Variants in COL4A6 observed in about 807,000 individuals in gnomAD.
The protein encoded by COL4A6 is collagen type IV alpha 6 chain, also known as collagen alpha-6(IV) chain.
A neutral mutation model predicts 126.7 loss-of-function variants in COL4A6; 59 were observed. That is an observed-to-expected ratio of 0.47 (90% confidence interval 0.38 to 0.58). The LOEUF (loss-of-function observed/expected upper bound fraction) is 0.58. COL4A6 is among the 20% of genes least tolerant of loss of function. The probability of loss-of-function intolerance (pLI) is 0.00; values close to 1 mark genes in which losing one functional copy is unlikely to be tolerated. For synonymous variants in COL4A6, 547 were observed against 496.6 expected (o/e 1.10, Z -1.35); for missense variants, 1,285 against 1,337.3 (o/e 0.96, Z 0.61).
intron 3 of COL4A6, among the ~76,000 whole-genome samples, chrX:108,303,406 T>C (rs1339848733): frequency 1.8e-5 from 2 of 111,668 alleles, no homozygotes; most frequent in African/African-American, 3.3e-5. Flanking sequence ...GGAGATAATA[T>C]GTCGCTTGTT....
chrX:108,418,874 T>C (rs1235313206), intron 2 of COL4A6, among the ~76,000 whole-genome samples: 1 of 112,502 alleles, frequency 8.9e-6, no homozygotes, highest in Non-Finnish European at 1.9e-5. Context: ...CAAAGGTTGG[T>C]GGTACCTGCA....
chrX:108,277,365 G>A lies in COL4A6; in HGVS notation c.144+33383C>T, dbSNP rs187767942. Among the ~76,000 whole-genome samples the A allele has an allele frequency of 2.0e-3, 227 of 112,277 alleles. 1 individual carries two copies. Among genetic ancestry groups the A allele is most frequent in the Admixed American group, 9.2e-3 (98 of 10,655 alleles). ...CCGCACATGGCTCAGAGGGTCCTAC[G>A]CCCATGGAGTCTCGCTGATTGCTAG... is the stretch of plus-strand genomic sequence containing the variant. On this transcript the variant is annotated intron_variant, in intron 3 of 44. Transcript: ENST00000334504.
chrX:108,208,388 T>C (rs777877757), intron 8 of COL4A6, among the ~76,000 whole-genome samples: 2 of 112,417 alleles, frequency 1.8e-5, no homozygotes, highest in Admixed American at 1.9e-4. Context: ...ATACATATTC[T>C]GTTCAAGTGC....
chrX:108,439,378 T>C, upstream of COL4A6: 1 of 804,110 alleles, frequency 1.2e-6, no homozygotes, highest in Non-Finnish European at 1.8e-6. Context: ...GCATATACTT[T>C]ATTTATTCCC....
In COL4A6 at chrX:108,302,202, G is replaced by T. The variant is rs145405101; in HGVS notation, c.144+8546C>A. Reference sequence around the variant, plus strand: ...ATATTAATGATAATATATATAAAATGAAACACACAATAAATAAAAAGTGTA... The same window carrying T: ...ATATTAATGATAATATATATAAAATTAAACACACAATAAATAAAAAGTGTA... On this transcript the variant is annotated intron_variant, in intron 3 of 44. Transcript: ENST00000334504. Among the ~76,000 whole-genome samples the T allele has an allele frequency of 5.8e-3, 646 of 110,886 alleles. 4 individuals are homozygous for T. Among genetic ancestry groups the T allele is most frequent in the Non-Finnish European group, 8.9e-3 (472 of 52,958 alleles).
At chrX:108,408,160 A>C (rs1826023722) in intron 2 of COL4A6, among the ~76,000 whole-genome samples, 2 of 110,710 alleles carry the variant, frequency 1.8e-5, no homozygotes, top group South Asian at 7.7e-4. Context: ...AAAATTTAAA[A>C]ATTAGCCAAG....
chrX:108,170,820 A>G lies in COL4A6; in HGVS notation c.3375T>C (p.Pro1125=). Residue 1125 remains proline, a synonymous_variant, in exon 34 of 45, where the codon CCT becomes CCC. Coordinates refer to ENST00000334504, the MANE Select transcript of COL4A6 (RefSeq NM_033641.4). ...CATGTGGCATGGTACCTGGAGCTCC[A>G]GGAAGGCCAACATCTCCAGAAACAC... The part of the protein sequence containing the change: ...KVGVSGDVGL[P]GAPGFPGVAG... The G allele has an allele frequency of 8.3e-7, 1 of 1,211,795 alleles. No individual in the cohort carries two copies. Among genetic ancestry groups the G allele is most frequent in the Non-Finnish European group, 1.1e-6 (1 of 894,964 alleles).
intron 2 of COL4A6, among the ~76,000 whole-genome samples, chrX:108,396,367 C>T (rs1417517575): frequency 2.7e-5 from 3 of 111,682 alleles, no homozygotes; most frequent in African/African-American, 9.8e-5. Flanking sequence ...GAATTCACAA[C>T]CTTGGAATGA....
intron 3 of COL4A6, among the ~76,000 whole-genome samples, chrX:108,293,179 A>G (rs2038222247): frequency 9.1e-6 from 1 of 110,223 alleles, no homozygotes; most frequent in Non-Finnish European, 1.9e-5. Flanking sequence ...GGGTATGCAT[A>G]TTTGAACCAG....
chrX:108,382,245 C>T (rs1433730978), intron 2 of COL4A6, among the ~76,000 whole-genome samples: 1 of 111,849 alleles, frequency 8.9e-6, no homozygotes, highest in African/African-American at 3.2e-5. Flanking sequence ...GATTTTCATC[C>T]TGGATTTGTC....
chrX:108,291,363 C>T (rs2038157481), intron 3 of COL4A6, among the ~76,000 whole-genome samples: 1 of 112,042 alleles, frequency 8.9e-6, no homozygotes, highest in African/African-American at 3.2e-5. Flanking sequence ...AAATTGTGAT[C>T]ATATTGTATA....
chrX:108,306,797 A>G lies in COL4A6; in HGVS notation c.144+3951T>C, dbSNP rs765832310. Among the ~76,000 whole-genome samples the G allele has an allele frequency of 2.7e-5, 3 of 111,752 alleles. No homozygotes were observed. In the South Asian group the frequency reaches 1.2e-3, roughly 43 times the overall value. On this transcript the variant is annotated intron_variant, in intron 3 of 44. Coordinates refer to ENST00000334504, the MANE Select transcript of COL4A6 (RefSeq NM_033641.4). ...AATGGGGGACAAACAGCCTTTACCT[A>G]GAGGGCAATCCAAGCATTCCCCATG...
intron 2 of COL4A6, among the ~76,000 whole-genome samples, chrX:108,365,477 A>G (rs1301204913): frequency 1.8e-5 from 2 of 111,727 alleles, no homozygotes; most frequent in Non-Finnish European, 3.8e-5. Context: ...AACACAGAAG[A>G]CCCATAATAA....
chrX:108,393,808 C>T (rs184053897), intron 2 of COL4A6, among the ~76,000 whole-genome samples: 22 of 112,047 alleles, frequency 2.0e-4, no homozygotes, highest in East Asian at 8.4e-4. Flanking sequence ...GAAAAAGGAA[C>T]GCTTTTACAC....
chrX:108,159,588 C>G lies in COL4A6; in HGVS notation c.4686G>C (p.Gln1562His). The change falls in exon 44 of 45, where the codon CAG becomes CAC. Residue 1562 changes from glutamine (Q) to histidine (H), a missense_variant. By Grantham distance (24) the Gln-to-His change is conservative. Transcript: ENST00000334504. ...CACACACAGAGCAGCGGCTGATGTA[C>G]TGGGGAATCTGGGTCTGGCTGACGG... ...MMPVSQTQIP[Q>H]YISRCSVCEA... The G allele has an allele frequency of 1.7e-6, 2 of 1,212,057 alleles. No homozygotes were observed. Among genetic ancestry groups the G allele is most frequent in the Non-Finnish European group, 2.2e-6 (2 of 895,541 alleles).
chrX:108,320,090 A>G (rs1603083379), intron 2 of COL4A6, among the ~76,000 whole-genome samples: 1 of 112,102 alleles, frequency 8.9e-6, no homozygotes, highest in East Asian at 2.8e-4. Context: ...TCTCTTCAAC[A>G]TACTTATTTT....
At chrX:108,240,909 G>A (rs1204700575) in intron 3 of COL4A6, among the ~76,000 whole-genome samples, 3 of 111,530 alleles carry the variant, frequency 2.7e-5, no homozygotes, top group African/African-American at 9.8e-5. Context: ...ATTAACTTAT[G>A]AAAAATGGAG....
At chrX:108,306,569 A>G (rs1485818116) in intron 3 of COL4A6, among the ~76,000 whole-genome samples, 1 of 112,008 alleles carries the variant, frequency 8.9e-6, no homozygotes, top group Non-Finnish European at 1.9e-5. Flanking sequence ...AGGGAATGCC[A>G]GATGTTTGCA....
Position 108,175,796 on chromosome X carries a change from T to G in COL4A6, c.2688A>C (p.Gly896=), listed in dbSNP as rs2034468371. 4 of 1,188,208 alleles carry G rather than the reference T, an allele frequency of 3.4e-6. No homozygotes were observed. In the South Asian group the frequency reaches 7.6e-5, roughly 22 times the overall value. ...CTACGAATCCAACAGACCCCTTCTCTCCTGTTGAAAAACAAGAACTTTTAT... is the reference window on the plus strand; with the variant it reads ...CTACGAATCCAACAGACCCCTTCTCGCCTGTTGAAAAACAAGAACTTTTAT... The part of the protein sequence containing the change: ...AGLPALSGPK[G]EKGSVGFVGF... Residue 896 remains glycine, a splice_region_variant and synonymous_variant, in exon 29 of 45, where the codon GGA becomes GGC. Coordinates refer to ENST00000334504, the MANE Select transcript of COL4A6 (RefSeq NM_033641.4).
Sources: allele counts gnomAD v4.1 joint callset (sites outside exome capture counted in the v4.1 genomes callset), GRCh38; gene constraint gnomAD v4.1.1; transcripts MANE v1.5; gene names NCBI Gene and HGNC (gene_info 2026-07-23, HGNC 2026-07-21).